Variants in CACNA1E observed in about 807,000 individuals in gnomAD.
CACNA1E encodes the protein calcium voltage-gated channel subunit alpha1 E.
CACNA1E carries 40 observed loss-of-function variants against 259.2 expected under a neutral mutation model. The observed-to-expected ratio is 0.15, with a 90% CI of 0.12 to 0.20. CACNA1E has a LOEUF of 0.20. Ranked by LOEUF, CACNA1E falls within the 10% of genes least tolerant of loss-of-function variation. The probability of loss-of-function intolerance (pLI) is 1.00; values close to 1 mark genes in which losing one functional copy is unlikely to be tolerated. For synonymous variants in CACNA1E, 1,104 were observed against 1,138.5 expected (o/e 0.97, Z 0.61); for missense variants, 1,874 against 3,040.1 (o/e 0.62, Z 9.02).
intron 1 of CACNA1E, among the ~76,000 whole-genome samples, chr1:181,391,360 G>A (rs1221167258): frequency 6.6e-6 from 1 of 152,200 alleles, no homozygotes; most frequent in Non-Finnish European, 1.5e-5. Context: ...GGTATTTCAA[G>A]CAGGGAATAT....
At chr1:181,493,075 C>T (rs1486189982) in intron 1 of CACNA1E, among the ~76,000 whole-genome samples, 2 of 152,158 alleles carry the variant, frequency 1.3e-5, no homozygotes, top group Admixed American at 6.6e-5. Flanking sequence ...GCTTTCTATA[C>T]TGGGATCACA....
At chr1:181,335,427 ACCTGTTTTTCTT>A (rs1263864133) in intron 1 of CACNA1E, among the ~76,000 whole-genome samples, 2 of 152,050 alleles carry the variant, frequency 1.3e-5, no homozygotes, top group Non-Finnish European at 2.9e-5. Flanking sequence ...CAAGAAAGAG[ACCTGTTTTTCTT>A]TTCCTTAAAT....
chr1:181,782,317 C>A (rs760448166), intron 39 of CACNA1E, among the ~76,000 whole-genome samples: 4 of 152,250 alleles, frequency 2.6e-5, no homozygotes, highest in Non-Finnish European at 5.9e-5. Context: ...TTATTGTACA[C>A]TGGGAGTCAC....
chr1:181,558,820 C>A (rs1039202845), intron 3 of CACNA1E, among the ~76,000 whole-genome samples: 21 of 151,992 alleles, frequency 1.4e-4, no homozygotes, highest in African/African-American at 5.1e-4. Context: ...GGTAGGGAGG[C>A]AGAGAGAAAC....
chr1:181,462,788 G>A (rs1661906486), intron 2 of CACNA1E, among the ~76,000 whole-genome samples: 1 of 152,158 alleles, frequency 6.6e-6, no homozygotes, highest in Admixed American at 6.5e-5. Context: ...GCAGCAAAAT[G>A]AACATTTGTT....
chr1:181,381,162 C>T (rs1051388591), intron 1 of CACNA1E, among the ~76,000 whole-genome samples: 6 of 144,128 alleles, frequency 4.2e-5, no homozygotes, highest in Admixed American at 4.1e-4. Context: ...AGTGAGACTC[C>T]ATCTCAAAAA....
chr1:181,684,372 T>C (rs58358938), intron 7 of CACNA1E, among the ~76,000 whole-genome samples: 1 of 152,344 alleles, frequency 6.6e-6, no homozygotes, highest in African/African-American at 2.4e-5. Flanking sequence ...AGATTCTGGA[T>C]ATTAGATCTT....
intron 3 of CACNA1E, among the ~76,000 whole-genome samples, chr1:181,539,010 C>A (rs181422002): frequency 3.3e-5 from 5 of 152,342 alleles, no homozygotes; most frequent in Admixed American, 3.3e-4. Flanking sequence ...ATGCAGCCTG[C>A]CCTCCAGCTA....
At chr1:181,617,165 T>C (rs2103141317) in intron 6 of CACNA1E, among the ~76,000 whole-genome samples, 1 of 152,332 alleles carries the variant, frequency 6.6e-6, no homozygotes, top group Middle Eastern at 3.4e-3. Flanking sequence ...GTAAATTTAT[T>C]TTTGTTTTTA....
At chr1:181,599,800 A>T (rs1347170037) in intron 6 of CACNA1E, among the ~76,000 whole-genome samples, 1 of 152,352 alleles carries the variant, frequency 6.6e-6, no homozygotes, top group Middle Eastern at 3.4e-3. Context: ...CACAAAGCCT[A>T]TGTTAAATGA....
At chr1:181,327,931 G>C (rs1021785378) in intron 1 of CACNA1E, among the ~76,000 whole-genome samples, 3 of 152,276 alleles carry the variant, frequency 2.0e-5, no homozygotes, top group Non-Finnish European at 2.9e-5. Context: ...TGGCCTCACT[G>C]ACATCTATGG....
chr1:181,565,525 A>G (rs1208324308), intron 3 of CACNA1E, among the ~76,000 whole-genome samples: 2 of 152,166 alleles, frequency 1.3e-5, no homozygotes, highest in Non-Finnish European at 2.9e-5. Flanking sequence ...ACCAAACTCT[A>G]TTGGTCCTAA....
chr1:181,662,747 T>TCC (rs1211586860), intron 7 of CACNA1E, among the ~76,000 whole-genome samples: 1 of 147,392 alleles, frequency 6.8e-6, no homozygotes, highest in East Asian at 1.9e-4. Flanking sequence ...TACCAAGTAC[T>TCC]CCCATTGAGT....
chr1:181,477,810 CTTAT>C (rs1662964779), intron 2 of CACNA1E, among the ~76,000 whole-genome samples: 1 of 152,202 alleles, frequency 6.6e-6, no homozygotes, highest in Non-Finnish European at 1.5e-5. Context: ...GTAGCACATA[CTTAT>C]TGTGTGCAAG....
intron 1 of CACNA1E, among the ~76,000 whole-genome samples, chr1:181,320,776 C>T (rs933601773): frequency 3.9e-5 from 6 of 152,162 alleles, no homozygotes; most frequent in Non-Finnish European, 8.8e-5. Context: ...CCAGTCTGCT[C>T]GGCCATCCTG....
chr1:181,561,968 T>A (rs1649373157), intron 3 of CACNA1E, among the ~76,000 whole-genome samples: 1 of 152,188 alleles, frequency 6.6e-6, no homozygotes, highest in Non-Finnish European at 1.5e-5. Flanking sequence ...CTATTGTGGT[T>A]TTAATTTGCA....
chr1:181,545,502 TC>T lies in CACNA1E; in HGVS notation c.513-32258del, dbSNP rs548979669. On this transcript the variant is annotated intron_variant, in intron 3 of 47. Transcript: ENST00000367573. ...GGATGGCAGTGCTCCCAGCTTGGAA[TC>T]CCCCCACACTGAGGTGGGAGATTTC... is the stretch of plus-strand genomic sequence containing the variant. Among the ~76,000 whole-genome samples, 53 of 151,952 alleles carry T rather than the reference TC, an allele frequency of 3.5e-4. 2 individuals are homozygous for T. The Middle Eastern group carries it at 0.01, about 29-fold the overall frequency.
intron 2 of CACNA1E, among the ~76,000 whole-genome samples, chr1:181,416,603 G>T (rs72729375): frequency 0.09 from 13,718 of 152,058 alleles, 764 homozygotes; most frequent in South Asian, 0.17. Flanking sequence ...TCTTATTTCT[G>T]CTGGAGCCTC....
intron 2 of CACNA1E, among the ~76,000 whole-genome samples, chr1:181,418,973 G>A (rs905765076): frequency 7.2e-5 from 11 of 151,914 alleles, no homozygotes; most frequent in African/African-American, 2.7e-4. Flanking sequence ...TGCACTTGGG[G>A]GATAGAGAGT....
Sources: gnomAD v4.1 joint callset for allele counts (sites outside exome capture counted in the v4.1 genomes callset) on GRCh38, gnomAD v4.1.1 for gene constraint, MANE v1.5 for transcripts, NCBI Gene and HGNC (gene_info 2026-07-23, HGNC 2026-07-21) for gene names.